The following CERS3 variants were observed in gnomAD, a reference collection of about 807,000 sequenced individuals.
CERS3 encodes the protein LAG1 homolog, ceramide synthase 3.
CERS3 carries 33 observed loss-of-function variants against 50.3 expected under a neutral mutation model. That is an observed-to-expected ratio of 0.66 (90% confidence interval 0.50 to 0.88). CERS3 has a LOEUF of 0.88. Ranked by LOEUF, CERS3 falls within the 40% of genes least tolerant of loss-of-function variation. The pLI, the probability that CERS3 is intolerant of heterozygous loss-of-function variation, is 0.00. For missense variants in CERS3, 470 were observed against 460.3 expected, an observed-to-expected ratio of 1.02 and a Z score of -0.19; for synonymous variants, 176 against 155.2, an observed-to-expected ratio of 1.13 and a Z score of -0.99.
intron 1 of CERS3, among the ~76,000 whole-genome samples, chr15:100,543,710 A>T (rs2037260715): frequency 6.6e-6 from 1 of 151,834 alleles, no homozygotes; most frequent in Admixed American, 6.6e-5. Context: ...TTGTATTTTG[A>T]GTAGAGACGG....
intron 11 of CERS3, among the ~76,000 whole-genome samples, chr15:100,426,543 T>C (rs1188889723): frequency 1.3e-5 from 2 of 152,196 alleles, no homozygotes; most frequent in Admixed American, 1.3e-4. Flanking sequence ...AGGAATATAC[T>C]GGAATATACC....
At chr15:100,502,267 A>AAAAAAGAAAAAAAAAAAAAAAAAAAG in intron 2 of CERS3, among the ~76,000 whole-genome samples, 1 of 109,260 alleles carries the variant, frequency 9.2e-6, no homozygotes, top group Non-Finnish European at 1.8e-5. Flanking sequence ...AAAAAAAAAA[A>AAAAAAGAAAAAAAAAAAAAAAAAAAG]AAAGAAAGAA....
At chr15:100,460,701 C>G (rs1403355386) in intron 10 of CERS3, among the ~76,000 whole-genome samples, 1 of 152,218 alleles carries the variant, frequency 6.6e-6, no homozygotes, top group Non-Finnish European at 1.5e-5. Context: ...GACACCTTCA[C>G]CTCTGGGTCC....
intron 3 of CERS3, among the ~76,000 whole-genome samples, chr15:100,498,086 G>C (rs750700405): frequency 1.3e-4 from 19 of 151,972 alleles, no homozygotes; most frequent in Non-Finnish European, 2.4e-4. Context: ...AGTACAGACG[G>C]GGTTTCACTA....
chr15:100,420,453 C>A (rs1184145395), intron 11 of CERS3, among the ~76,000 whole-genome samples: 6 of 152,040 alleles, frequency 3.9e-5, no homozygotes, highest in Non-Finnish European at 8.8e-5. Flanking sequence ...GCTTACCAAC[C>A]AAAAAGTGTC....
intron 11 of CERS3, among the ~76,000 whole-genome samples, chr15:100,430,973 G>A (rs752355065): frequency 6.6e-5 from 10 of 152,200 alleles, no homozygotes; most frequent in Admixed American, 1.3e-4. Flanking sequence ...TAACATGCTC[G>A]CAAATCACCT....
In CERS3 at chr15:100,450,294, G is replaced by A. The variant is rs372986347; in HGVS notation, c.999+5599C>T. 3.4e-4 allele frequency among the ~76,000 whole-genome samples: 51 copies of A among 151,566 alleles called. No homozygotes were observed. In the South Asian group the frequency reaches 4.6e-3, roughly 14 times the overall value. On this transcript the variant is annotated intron_variant, in intron 11 of 11. Coordinates refer to ENST00000679737, the MANE Select transcript of CERS3 (RefSeq NM_001378789.1). ...ATTAGCTGGGCATGTGGCATGCACC[G>A]GTAGTCCCAGCTACTCAGGAGGTTG...
chr15:100,427,909 G>T (rs2032915997), intron 11 of CERS3, among the ~76,000 whole-genome samples: 1 of 152,164 alleles, frequency 6.6e-6, no homozygotes, highest in Non-Finnish European at 1.5e-5. Flanking sequence ...AGGTAAAGAG[G>T]TCAGGTGGTG....
chr15:100,476,206 T>G (rs1032944486), intron 7 of CERS3, 28 bp from the exon 8 acceptor site: 34 of 1,451,030 alleles, frequency 2.3e-5, no homozygotes, highest in Non-Finnish European at 3.1e-5. Context: ...ATTCATTACT[T>G]TAAATGCCAT....
At chr15:100,472,889 G>A (rs1369891574) in intron 9 of CERS3, 35 bp downstream of exon 9, 2 of 1,612,804 alleles carry the variant, frequency 1.2e-6, no homozygotes, top group African/African-American at 1.3e-5. Context: ...CCAGGACATG[G>A]TATTGTCATT....
chr15:100,431,245 A>G (rs1387086996), intron 11 of CERS3, among the ~76,000 whole-genome samples: 1 of 152,218 alleles, frequency 6.6e-6, no homozygotes, highest in Non-Finnish European at 1.5e-5. Flanking sequence ...TAGTCTCTAT[A>G]TTTCACAAGT....
intron 11 of CERS3, among the ~76,000 whole-genome samples, chr15:100,429,093 G>C (rs939623781): frequency 1.3e-5 from 2 of 152,220 alleles, no homozygotes; most frequent in Non-Finnish European, 2.9e-5. Context: ...GAATTTCACA[G>C]GTCATGGTCA....
At chr15:100,499,021 C>T (rs575989525) in intron 3 of CERS3, among the ~76,000 whole-genome samples, 1 of 152,284 alleles carries the variant, frequency 6.6e-6, no homozygotes, top group Non-Finnish European at 1.5e-5. Context: ...TTATGTAAGT[C>T]GCTACAGATA....
intron 11 of CERS3, among the ~76,000 whole-genome samples, chr15:100,435,062 C>T (rs1183764898): frequency 6.6e-6 from 1 of 152,136 alleles, no homozygotes; most frequent in Non-Finnish European, 1.5e-5. Flanking sequence ...ATTGGAATCC[C>T]ACAGATATCA....
chr15:100,472,228 T>C (rs1016323888), intron 9 of CERS3, among the ~76,000 whole-genome samples: 5 of 152,204 alleles, frequency 3.3e-5, no homozygotes, highest in Non-Finnish European at 7.3e-5. Flanking sequence ...CTGGGAACTG[T>C]TGCTCTAAAT....
At chr15:100,438,962 A>G (rs898298681) in intron 11 of CERS3, among the ~76,000 whole-genome samples, 29 of 152,332 alleles carry the variant, frequency 1.9e-4, no homozygotes, top group Middle Eastern at 3.4e-3. Context: ...ATTTCCTCTC[A>G]AGGCACTTCT....
At chr15:100,483,787 A>ATTATTATTTTTTGTT in intron 5 of CERS3, among the ~76,000 whole-genome samples, 1 of 100,040 alleles carries the variant, frequency 1.0e-5, no homozygotes, top group Non-Finnish European at 1.9e-5. Context: ...TATTATTATT[A>ATTATTATTTTTTGTT]TTTTTTTTTT....
chr15:100,506,127 G>T (rs2142343527), intron 2 of CERS3, among the ~76,000 whole-genome samples: 1 of 151,942 alleles, frequency 6.6e-6, no homozygotes, highest in African/African-American at 2.4e-5. Flanking sequence ...ACAAAAGAAA[G>T]AATAGACAAA....
intron 3 of CERS3, among the ~76,000 whole-genome samples, chr15:100,499,310 TAAACTAATTAG>T (rs1163610352): frequency 6.6e-6 from 1 of 152,112 alleles, no homozygotes; most frequent in Non-Finnish European, 1.5e-5. Context: ...GCACAGAAGA[TAAACTAATTAG>T]AAACTAGTAG....
Sources: allele counts gnomAD v4.1 joint callset (sites outside exome capture counted in the v4.1 genomes callset), GRCh38; gene constraint gnomAD v4.1.1; transcripts MANE v1.5; gene names NCBI Gene and HGNC (gene_info 2026-07-23, HGNC 2026-07-21).